ADCY5: variants seen among roughly 807,000 people sequenced by gnomAD.
The protein encoded by ADCY5 is adenylate cyclase type 5.
Under a neutral mutation model 119.7 loss-of-function variants are expected in ADCY5, and 30 were observed. That is an observed-to-expected ratio of 0.25 (90% CI 0.19 to 0.34). ADCY5 has a LOEUF of 0.34. ADCY5 is among the 10% of genes least tolerant of loss of function. ADCY5 has a pLI of 1.00. For synonymous variants in ADCY5, 753 were observed against 762.2 expected (o/e 0.99, Z 0.20); for missense variants, 1,324 against 1,775.2 (o/e 0.75, Z 4.57).
intron 3 of ADCY5, among the ~76,000 whole-genome samples, chr3:123,339,829 T>C (rs548183134): frequency 1.7e-4 from 25 of 151,096 alleles, no homozygotes; most frequent in Admixed American, 1.5e-3. Context: ...CTAGAAAGAT[T>C]TAGGGAAATG....
At chr3:123,346,591 T>C (rs1942563180) in intron 3 of ADCY5, among the ~76,000 whole-genome samples, 1 of 123,000 alleles carries the variant, frequency 8.1e-6, no homozygotes, top group Non-Finnish European at 1.9e-5. Flanking sequence ...TCACCCCTAC[T>C]GCTGTCAGCC....
chr3:123,328,216 C>T (rs1463842637), intron 6 of ADCY5, among the ~76,000 whole-genome samples: 1 of 152,198 alleles, frequency 6.6e-6, no homozygotes, highest in Non-Finnish European at 1.5e-5. Context: ...GTCCCCCACA[C>T]CTGTGCCTTG....
chr3:123,359,966 T>C (rs1439640213), intron 1 of ADCY5, among the ~76,000 whole-genome samples: 1 of 151,960 alleles, frequency 6.6e-6, no homozygotes. Context: ...TAATATAAAA[T>C]AATTCAAGGA....
chr3:123,345,092 C>T (rs1332309429), intron 3 of ADCY5, among the ~76,000 whole-genome samples: 1 of 152,320 alleles, frequency 6.6e-6, no homozygotes, highest in East Asian at 1.9e-4. Context: ...AAAGTCACTG[C>T]CTCCATGGGA....
Position 123,369,255 on chromosome 3 carries a change from C to T in ADCY5, c.1135-16674G>A, listed in dbSNP as rs541218165. Among the ~76,000 whole-genome samples, 8 of 152,296 alleles carry T rather than the reference C, an allele frequency of 5.3e-5. No homozygotes were observed. The South Asian group carries it at 1.0e-3, about 20-fold the overall frequency. On this transcript the variant is annotated intron_variant, in intron 1 of 20. Transcript: ENST00000462833. ...ACATCATGATGAACAAGAAGGCCCT[C>T]GCTAGGTGCTGTCACCATGCTCTTG...
At chr3:123,344,799 T>C (rs1472305528) in intron 3 of ADCY5, among the ~76,000 whole-genome samples, 1 of 152,184 alleles carries the variant, frequency 6.6e-6, no homozygotes, top group African/African-American at 2.4e-5. Context: ...CTACAACCAG[T>C]GCTGCTGATG....
At chr3:123,372,296 C>A (rs1241776938) in intron 1 of ADCY5, among the ~76,000 whole-genome samples, 1 of 152,156 alleles carries the variant, frequency 6.6e-6, no homozygotes, top group African/African-American at 2.4e-5. Context: ...TCAGAAGCAG[C>A]CCACACTGCT....
chr3:123,426,832 A>G (rs557888890), intron 1 of ADCY5, among the ~76,000 whole-genome samples: 14 of 152,094 alleles, frequency 9.2e-5, no homozygotes, highest in Middle Eastern at 6.4e-3. Flanking sequence ...CCTCAGAGGC[A>G]CTCAGTGGGG....
At chr3:123,409,588 G>C (rs1266248946) in intron 1 of ADCY5, among the ~76,000 whole-genome samples, 3 of 152,210 alleles carry the variant, frequency 2.0e-5, no homozygotes, top group Non-Finnish European at 4.4e-5. Flanking sequence ...GGTTCTCCAA[G>C]TGGGATATCC....
At chr3:123,438,720 G>A (rs536172158) in intron 1 of ADCY5, among the ~76,000 whole-genome samples, 5 of 152,270 alleles carry the variant, frequency 3.3e-5, no homozygotes, top group Non-Finnish European at 7.4e-5. Flanking sequence ...ATATGCCAAA[G>A]AGAAGCTCTA....
At chr3:123,419,528 C>G (rs1945256748) in intron 1 of ADCY5, among the ~76,000 whole-genome samples, 1 of 152,106 alleles carries the variant, frequency 6.6e-6, no homozygotes, top group African/African-American at 2.4e-5. Context: ...CTCAGTGGAT[C>G]CCCTTTTACA....
intron 3 of ADCY5, among the ~76,000 whole-genome samples, chr3:123,336,524 GC>G (rs1372082073): frequency 6.6e-6 from 1 of 152,192 alleles, no homozygotes; most frequent in Non-Finnish European, 1.5e-5. Flanking sequence ...GGCTGGAGAT[GC>G]CCCCGGGGTA....
At chr3:123,346,230 C>T (rs1436394339) in intron 3 of ADCY5, among the ~76,000 whole-genome samples, 3 of 152,244 alleles carry the variant, frequency 2.0e-5, no homozygotes, top group African/African-American at 7.2e-5. Context: ...GCCTGAAGGG[C>T]TCAAGCCCGG....
At chr3:123,423,817 T>C (rs1029898106) in intron 1 of ADCY5, among the ~76,000 whole-genome samples, 3 of 152,096 alleles carry the variant, frequency 2.0e-5, no homozygotes, top group African/African-American at 7.2e-5. Flanking sequence ...GCCAGCTCAG[T>C]GGGAGAGCAT....
intron 14 of ADCY5, among the ~76,000 whole-genome samples, chr3:123,301,356 G>T (rs555752441): frequency 1.1e-4 from 16 of 152,160 alleles, no homozygotes; most frequent in Non-Finnish European, 1.9e-4. Context: ...ATTGGATTGT[G>T]GGGGGAAGCC....
Position 123,286,780 on chromosome 3 carries a change from C to A in ADCY5, c.3562G>T (p.Val1188Leu). ...TACTGAGGCTTTCGTGCCCCTATCA[C>A]CCCGGCCACCACGGGGCCGATGTTG... is the stretch of plus-strand genomic sequence containing the variant. ...GLNIGPVVAG[V>L]IGARKPQYDI... The change falls in exon 20 of 21, where the codon GTG becomes TTG. Residue 1188 changes from valine to leucine, a missense_variant. By Grantham distance (32) the Val-to-Leu change is conservative (BLOSUM62 1). Coordinates refer to ENST00000462833, the MANE Select transcript of ADCY5 (RefSeq NM_183357.3). This position sits in a 1 kb window ranked among gnomAD's most constrained non-coding sequence, Gnocchi z 4.2. The A allele has an allele frequency of 6.2e-7, 1 of 1,611,810 alleles. No homozygotes were observed. Among genetic ancestry groups the A allele is most frequent in the Non-Finnish European group, 8.5e-7 (1 of 1,178,976 alleles).
intron 1 of ADCY5, among the ~76,000 whole-genome samples, chr3:123,396,733 GGA>G (rs1944588375): frequency 6.1e-4 from 6 of 9,824 alleles, no homozygotes; most frequent in East Asian, 4.6e-3. Context: ...GAGGGAGGAA[GGA>G]AGGAAGGAAG....
At chr3:123,349,970 T>C (rs11707746) in intron 2 of ADCY5, among the ~76,000 whole-genome samples, 41,929 of 152,200 alleles carry the variant, frequency 0.28, 6,072 homozygotes, top group African/African-American at 0.32. Context: ...CCTGGAGGTT[T>C]CCGTGACCTG....
At chr3:123,401,042 T>C (rs1458307882) in intron 1 of ADCY5, among the ~76,000 whole-genome samples, 1 of 50,766 alleles carries the variant, frequency 2.0e-5, no homozygotes, top group Non-Finnish European at 4.0e-5. Flanking sequence ...AACACTGCAC[T>C]CCTGTGGGGA....
Sources: allele counts gnomAD v4.1 joint callset (sites outside exome capture counted in the v4.1 genomes callset), GRCh38; gene constraint gnomAD v4.1.1; non-coding constraint Gnocchi (gnomAD v3.1); transcripts MANE v1.5; gene names NCBI Gene and HGNC (gene_info 2026-07-23, HGNC 2026-07-21).